BPI: variants seen among roughly 807,000 people sequenced by gnomAD.
The protein encoded by BPI is bactericidal permeability-increasing protein.
BPI carries 48 observed loss-of-function variants against 57.6 expected under a neutral mutation model. That is an observed-to-expected ratio of 0.83 (90% CI 0.66 to 1.06). The LOEUF is 1.06. Among genes scored for constraint, BPI ranks in the 50% least tolerant of loss-of-function variants. The pLI is 0.00. For missense variants in BPI, 651 were observed against 609.7 expected (o/e 1.07, Z -0.71); for synonymous variants, 237 against 238.2 (o/e 0.99, Z 0.05).
intron 13 of BPI, 80 bp from the exon 14 acceptor site, chr20:38,335,518 A>AC (rs1445783829): frequency 2.3e-5 from 30 of 1,314,786 alleles, no homozygotes; most frequent in Non-Finnish European, 2.7e-5. Flanking sequence ...GAGGCTGTCT[A>AC]CCCAGGCTCT....
intron 2 of BPI, 99 bp from the exon 3 acceptor site, chr20:38,308,831 G>C (rs2076608515): frequency 6.8e-7 from 1 of 1,478,072 alleles, no homozygotes; most frequent in Non-Finnish European, 9.3e-7. Flanking sequence ...TGAAGGACCA[G>C]GTGGTGGGGG....
At chr20:38,320,109 T>G in intron 6 of BPI, 74 bp from the exon 7 acceptor site, 1 of 1,263,992 alleles carries the variant, frequency 7.9e-7, no homozygotes, top group Non-Finnish European at 1.2e-6. Flanking sequence ...TTTTAGGGGA[T>G]TCTGATCCTG....
intron 7 of BPI, among the ~76,000 whole-genome samples, chr20:38,322,143 T>C (rs539915136): frequency 2.0e-5 from 3 of 152,350 alleles, no homozygotes; most frequent in African/African-American, 7.2e-5. Flanking sequence ...CTTGTGGTAA[T>C]GTACGAGGAC....
In BPI at chr20:38,335,538, C is replaced by T. The variant is rs1008207786; in HGVS notation, c.1337-60C>T. 25 of 1,507,490 alleles carry T rather than the reference C, an allele frequency of 1.7e-5. No individual in the cohort carries two copies. In the Admixed American group the frequency reaches 3.8e-4, roughly 23 times the overall value. 93.4% of individuals were successfully genotyped at this position (1,507,490 alleles called of 1,614,324 possible). A position where few individuals can be genotyped will look rare whatever the true frequency, so the allele number is the denominator to read the frequency against. ...TGTCTACCCAGGCTCTCTGGCCCTC[C>T]CTCCTCCCCTGCCCTTCTCTTTCTT... On this transcript the variant is annotated intron_variant, in intron 13 of 14. Transcript: ENST00000642449.
chr20:38,335,475 G>T (rs2076762827), intron 13 of BPI, 123 bp from the exon 14 acceptor site: 2 of 857,142 alleles, frequency 2.3e-6, no homozygotes, highest in Non-Finnish European at 1.9e-6. Context: ...GCCCATGCCA[G>T]TCCCTACCTA....
At chr20:38,314,100 G>A (rs1297741868) in intron 5 of BPI, among the ~76,000 whole-genome samples, 2 of 151,098 alleles carry the variant, frequency 1.3e-5, no homozygotes, top group African/African-American at 2.4e-5. Flanking sequence ...GATGATGATG[G>A]TGGTGATGGT....
At chr20:38,320,361 A>G in intron 7 of BPI, 87 bp downstream of exon 7, 1 of 1,204,230 alleles carries the variant, frequency 8.3e-7, no homozygotes, top group Admixed American at 2.0e-5. Context: ...AAACTTAACA[A>G]TGTCCCCTAC....
At chr20:38,334,528 C>A (rs1202544926) in intron 13 of BPI, 35 bp downstream of exon 13, 1 of 1,594,498 alleles carries the variant, frequency 6.3e-7, no homozygotes, top group Non-Finnish European at 8.6e-7. Context: ...CATTTTCAGT[C>A]ATGGGGGAAG....
intron 11 of BPI, 66 bp downstream of exon 11, chr20:38,327,721 G>C (rs1008195381): frequency 9.6e-6 from 15 of 1,555,348 alleles, no homozygotes; most frequent in African/African-American, 1.4e-5. Context: ...GGATGACAGT[G>C]GTCCTGTGAT....
chr20:38,336,108 C>T (rs1181588719), intron 14 of BPI, among the ~76,000 whole-genome samples: 2 of 152,168 alleles, frequency 1.3e-5, no homozygotes, highest in East Asian at 1.9e-4. Context: ...TCGTGGCTTT[C>T]GCCCAGGCTG....
rs375990895 is a variant in BPI, at chr20:38,307,646, C to A, written c.210C>A (p.Ile70=). The A allele has an allele frequency of 1.7e-5, 28 of 1,611,864 alleles. No homozygotes were observed. The African/African-American group carries it at 3.5e-4, about 20-fold the overall frequency. Residue 70 remains isoleucine (I), a synonymous_variant, in exon 2 of 15, where the codon ATC becomes ATA. Transcript: ENST00000642449. ...CTGACTACTCAGACAGCTTTAAGAT[C>A]AAGCATCTTGGGAAGGGGCATTATA... ...KIPDYSDSFK[I]KHLGKGHYSF...
At position 38,334,498 on chromosome 20, in the gene BPI, G is replaced by A. The variant is rs910539917; in HGVS notation, c.1336+5G>A. ...TTGTGCTGCCCAGGGTTAACGGTAA[G>A]GAACTTTGAAGAAACCATTCATTTT... is the stretch of plus-strand genomic sequence containing the variant. On this transcript the variant is annotated splice_donor_5th_base_variant and intron_variant, in intron 13 of 14. Coordinates refer to ENST00000642449, the MANE Select transcript of BPI (RefSeq NM_001725.3). 6.2e-7 allele frequency: 1 copy of A among 1,612,344 alleles called. No individual in the cohort carries two copies. The highest frequency in any genetic ancestry group is 8.5e-7 in the Non-Finnish European group (1 of 1,178,314).
intron 5 of BPI, among the ~76,000 whole-genome samples, chr20:38,314,183 AATG>A (rs2076637581): frequency 1.2e-4 from 4 of 34,278 alleles, no homozygotes; most frequent in Admixed American, 3.2e-4. Flanking sequence ...TGATGATAAT[AATG>A]ATGGTGATGG....
intron 5 of BPI, among the ~76,000 whole-genome samples, chr20:38,312,349 GCCT>G (rs1312203526): frequency 6.6e-6 from 1 of 152,152 alleles, no homozygotes; most frequent in African/African-American, 2.4e-5. Flanking sequence ...TGCAATTCTG[GCCT>G]TTGGCCAAAC....
intron 5 of BPI, 50 bp downstream of exon 5, chr20:38,311,987 G>A: frequency 6.4e-7 from 1 of 1,559,850 alleles, no homozygotes; most frequent in South Asian, 1.1e-5. Flanking sequence ...AGGGCCCTTA[G>A]TAACCACACA....
intron 10 of BPI, 66 bp from the exon 11 acceptor site, chr20:38,327,522 G>T: frequency 6.4e-7 from 1 of 1,573,448 alleles, no homozygotes; most frequent in Non-Finnish European, 8.7e-7. Flanking sequence ...GACCCTTCTT[G>T]GTTTGGAGGC....
intron 11 of BPI, among the ~76,000 whole-genome samples, chr20:38,330,395 G>A (rs1600713011): frequency 6.6e-6 from 1 of 152,204 alleles, no homozygotes; most frequent in Admixed American, 6.5e-5. Context: ...GTGGGATAGA[G>A]CGCCCAATAC....
intron 11 of BPI, among the ~76,000 whole-genome samples, chr20:38,328,115 G>T (rs2076723000): frequency 6.6e-6 from 1 of 152,176 alleles, no homozygotes; most frequent in African/African-American, 2.4e-5. Flanking sequence ...GGAGACTCTG[G>T]AATCCACATG....
intron 2 of BPI, among the ~76,000 whole-genome samples, chr20:38,307,992 C>T (rs1412059822): frequency 6.6e-6 from 1 of 152,140 alleles, no homozygotes; most frequent in Admixed American, 6.5e-5. Context: ...CTCACATGGC[C>T]GGAAAGTCTC....
Sources: allele counts gnomAD v4.1 joint callset (sites outside exome capture counted in the v4.1 genomes callset), GRCh38; gene constraint gnomAD v4.1.1; transcripts MANE v1.5; gene names NCBI Gene and HGNC (gene_info 2026-07-23, HGNC 2026-07-21).